CTNNAL1: variants seen among roughly 807,000 people sequenced by gnomAD.
CTNNAL1 encodes the protein catenin alpha like 1.
In CTNNAL1, 69 loss-of-function variants were observed where a neutral mutation model predicts 93.6. That is an observed-to-expected ratio of 0.74 (90% CI 0.61 to 0.90). The LOEUF is 0.90. Ranked by LOEUF, CTNNAL1 falls within the 40% of genes least tolerant of loss-of-function variation. The probability of loss-of-function intolerance (pLI) is 0.00; values close to 1 mark genes in which losing one functional copy is unlikely to be tolerated. For synonymous variants in CTNNAL1, 286 were observed against 305.4 expected (o/e 0.94, Z 0.66); for missense variants, 836 against 862.0 (o/e 0.97, Z 0.38).
At chr9:109,005,481 G>C (rs1335615492) in intron 1 of CTNNAL1, among the ~76,000 whole-genome samples, 1 of 152,088 alleles carries the variant, frequency 6.6e-6, no homozygotes, top group Non-Finnish European at 1.5e-5. Flanking sequence ...TCATGGGGGA[G>C]GAGCTCTCAT....
intron 1 of CTNNAL1, among the ~76,000 whole-genome samples, chr9:109,006,342 AT>A (rs1462731898): frequency 5.9e-5 from 9 of 152,214 alleles, no homozygotes; most frequent in Non-Finnish European, 1.3e-4. Context: ...CCAGCATCTA[AT>A]AGGTACATAC....
At chr9:108,945,171 G>T (rs190654381) in intron 15 of CTNNAL1, among the ~76,000 whole-genome samples, 82 of 152,242 alleles carry the variant, frequency 5.4e-4, no homozygotes, top group Non-Finnish European at 8.8e-4. Flanking sequence ...CATCAGTCTT[G>T]TACAGTCATC....
intron 2 of CTNNAL1, among the ~76,000 whole-genome samples, chr9:108,993,899 T>C (rs923112888): frequency 6.6e-6 from 1 of 152,132 alleles, no homozygotes; most frequent in African/African-American, 2.4e-5. Flanking sequence ...GGAATCTTAA[T>C]GGAGAGGCCA....
chr9:108,996,809 T>G (rs1167420206), intron 2 of CTNNAL1, among the ~76,000 whole-genome samples: 5 of 152,294 alleles, frequency 3.3e-5, no homozygotes, highest in African/African-American at 1.2e-4. Flanking sequence ...GTCCATTATG[T>G]AATGTCTGTT....
Position 109,013,478 on chromosome 9 carries a change from C to T in CTNNAL1, c.-36G>A, listed in dbSNP as rs972943981. The T allele has an allele frequency of 5.8e-5, 77 of 1,325,258 alleles. No homozygotes were observed. In the African/African-American group the frequency reaches 9.9e-4, roughly 17 times the overall value. 82.1% of individuals were successfully genotyped at this position (1,325,258 alleles called of 1,614,324 possible). A position where few individuals can be genotyped will look rare whatever the true frequency, so the allele number is the denominator to read the frequency against. ...CTATCCCGCAGCCGGGACTCCGCGCCGCGGCGAGCCTGCCGCCAGTCAGCC... is the reference window on the plus strand; with the variant it reads ...CTATCCCGCAGCCGGGACTCCGCGCTGCGGCGAGCCTGCCGCCAGTCAGCC... On this transcript the variant is annotated 5_prime_UTR_variant, in exon 1 of 19. Transcript: ENST00000325551.
chr9:108,943,711 A>G lies in CTNNAL1; in HGVS notation c.2047T>C (p.Phe683Leu), dbSNP rs1830314850. The G allele has an allele frequency of 6.2e-7, 1 of 1,609,376 alleles. No individual in the cohort carries two copies. The highest frequency in any genetic ancestry group is 1.3e-5 in the African/African-American group (1 of 74,732). Residue 683 changes from phenylalanine (F) to leucine (L), a missense_variant, in exon 17 of 19, where the codon TTT becomes CTT. Coordinates refer to ENST00000325551, the MANE Select transcript of CTNNAL1 (RefSeq NM_003798.4). ...VTKTSLQNKV[F>L]LKVDKCITKT... ...TCATATGTCTCTTTTACCTTTAGAA[A>G]TACTTTATTCTGCAAAGAAGTCTTA...
intron 5 of CTNNAL1, among the ~76,000 whole-genome samples, chr9:108,983,581 C>G (rs932066735): frequency 1.3e-5 from 2 of 152,156 alleles, no homozygotes. Context: ...GAAAAAATCT[C>G]TTTTCATCAT....
At position 108,992,695 on chromosome 9, in the gene CTNNAL1, C is replaced by A; in HGVS notation, c.456G>T (p.Val152=). 1 of 1,613,980 alleles carries A rather than the reference C, an allele frequency of 6.2e-7. No individual in the cohort carries two copies. The highest frequency in any genetic ancestry group is 1.1e-5 in the South Asian group (1 of 91,034). The stretch of plus-strand genomic sequence containing the variant: ...GGTCTGCCAGCAACAACACTTTTGT[C>A]ACTGAAGAAAGAAGTAATCTTGCAG... ...IKAARLLLSS[V]TKVLLLADRV... Residue 152 remains valine, a synonymous_variant, in exon 3 of 19, where the codon GTG becomes GTT. Coordinates refer to ENST00000325551, the MANE Select transcript of CTNNAL1 (RefSeq NM_003798.4).
chr9:108,986,255 T>C (rs1346039792), intron 4 of CTNNAL1, among the ~76,000 whole-genome samples: 23 of 148,408 alleles, frequency 1.5e-4, no homozygotes, highest in African/African-American at 4.0e-4. Context: ...TCAATTCCCA[T>C]CTATGAGTGA....
chr9:108,978,231 C>T (rs1831320803), intron 7 of CTNNAL1, among the ~76,000 whole-genome samples: 2 of 152,160 alleles, frequency 1.3e-5, no homozygotes, highest in African/African-American at 2.4e-5. Flanking sequence ...TCAAACTAAA[C>T]ACAAAACATT....
At chr9:109,005,954 T>C (rs897257166) in intron 1 of CTNNAL1, among the ~76,000 whole-genome samples, 3 of 152,218 alleles carry the variant, frequency 2.0e-5, no homozygotes, top group Non-Finnish European at 4.4e-5. Context: ...TAAAATTTTA[T>C]TTAGAGGAAC....
At chr9:108,988,435 T>G (rs775461503) in intron 4 of CTNNAL1, among the ~76,000 whole-genome samples, 1 of 152,212 alleles carries the variant, frequency 6.6e-6, no homozygotes, top group African/African-American at 2.4e-5. Flanking sequence ...CATCTCTCAA[T>G]AGATTACTGT....
At chr9:108,970,348 T>A (rs1831075771) in intron 10 of CTNNAL1, 54 bp downstream of exon 10, 4 of 1,495,312 alleles carry the variant, frequency 2.7e-6, no homozygotes. Flanking sequence ...ACACAACTTG[T>A]TATAACACTC....
intron 10 of CTNNAL1, among the ~76,000 whole-genome samples, chr9:108,966,798 T>C (rs147991914): frequency 3.9e-5 from 6 of 152,356 alleles, no homozygotes; most frequent in Admixed American, 2.0e-4. Flanking sequence ...TGATGGATGC[T>C]AATTGTAATA....
At position 109,013,358 on chromosome 9, in the gene CTNNAL1, C is replaced by G. The variant is rs1827275263; in HGVS notation, c.85G>C (p.Gly29Arg). 2 of 1,515,408 alleles carry G rather than the reference C, an allele frequency of 1.3e-6. No individual in the cohort carries two copies. The highest frequency in any genetic ancestry group is 1.8e-6 in the Non-Finnish European group (2 of 1,131,478). 93.9% of individuals were successfully genotyped at this position (1,515,408 alleles called of 1,614,324 possible). The change falls in exon 1 of 19, where the codon GGA becomes CGA. Residue 29 changes from glycine (G) to arginine (R), a missense_variant. Coordinates refer to ENST00000325551, the MANE Select transcript of CTNNAL1 (RefSeq NM_003798.4). ...ACCGAGCGAGTTTTGATCTCCAGTCCCGAGTCGAGGGCGAAGCCCGAAGAG... is the reference window on the plus strand; with the variant it reads ...ACCGAGCGAGTTTTGATCTCCAGTCGCGAGTCGAGGGCGAAGCCCGAAGAG... Reference protein sequence around the residue: ...SGSSGFALDSGLEIKTRSVEQ... With the variant: ...SGSSGFALDSRLEIKTRSVEQ...
chr9:108,943,023 T>C lies in CTNNAL1; in HGVS notation c.2077A>G (p.Thr693Ala). 1 of 1,612,498 alleles carries C rather than the reference T, an allele frequency of 6.2e-7. No homozygotes were observed. The highest frequency in any genetic ancestry group is 8.5e-7 in the Non-Finnish European group (1 of 1,179,690). Residue 693 changes from threonine to alanine, a missense_variant, in exon 18 of 19, where the codon ACA (threonine) becomes GCA (alanine). By Grantham distance (58) the Thr-to-Ala change is moderately conservative. Transcript: ENST00000325551. ...ACTAAGAGAGCCATCATGGATCTTG[T>C]CTTCGTAATACACTTGTCAACCTAC... ...FLKVDKCITKTRSMMALLVQL... is the reference protein window; with the variant it reads ...FLKVDKCITKARSMMALLVQL...
At chr9:109,009,846 G>A (rs563839133) in intron 1 of CTNNAL1, among the ~76,000 whole-genome samples, 1 of 152,226 alleles carries the variant, frequency 6.6e-6, no homozygotes, top group African/African-American at 2.4e-5. Flanking sequence ...TTAGATCCAT[G>A]TTGGCTTTTG....
intron 1 of CTNNAL1, among the ~76,000 whole-genome samples, chr9:109,011,768 C>T (rs1827209086): frequency 6.6e-6 from 1 of 152,224 alleles, no homozygotes; most frequent in African/African-American, 2.4e-5. Context: ...TTTCCTCTCC[C>T]ATACCACGAG....
chr9:108,982,091 T>A (rs1165411730), intron 6 of CTNNAL1, among the ~76,000 whole-genome samples: 2 of 152,164 alleles, frequency 1.3e-5, no homozygotes, highest in African/African-American at 4.8e-5. Flanking sequence ...GATGACTTCT[T>A]AGGGCCCTCC....
Sources: allele counts gnomAD v4.1 joint callset (sites outside exome capture counted in the v4.1 genomes callset), GRCh38; gene constraint gnomAD v4.1.1; transcripts MANE v1.5; gene names NCBI Gene and HGNC (gene_info 2026-07-23, HGNC 2026-07-21).